The following SUMF1 variants were observed in gnomAD, a reference collection of about 807,000 sequenced individuals.
SUMF1 encodes sulfatase modifying factor 1, also known as formylglycine-generating enzyme.
In SUMF1, 48 loss-of-function variants were observed where a neutral mutation model predicts 47.6. That is an observed-to-expected ratio of 1.01 (90% CI 0.80 to 1.28). The LOEUF is 1.28. Among genes scored for constraint, SUMF1 ranks in the 50% most tolerant of loss-of-function variants. SUMF1 has a pLI of 0.00. For missense variants in SUMF1, 571 were observed against 485.4 expected (o/e 1.18, Z -1.66); for synonymous variants, 230 against 192.1 (o/e 1.20, Z -1.63).
intron 8 of SUMF1, among the ~76,000 whole-genome samples, chr3:4,223,713 C>G (rs780977023): frequency 6.6e-6 from 1 of 152,110 alleles, no homozygotes; most frequent in Non-Finnish European, 1.5e-5. Context: ...TGTCAAAAGT[C>G]TCCCTCTCTC....
chr3:4,240,371 G>A (rs572652601), intron 8 of SUMF1, among the ~76,000 whole-genome samples: 91 of 152,178 alleles, frequency 6.0e-4, no homozygotes, highest in Admixed American at 2.2e-3. Context: ...GTAGAATTCA[G>A]GTGTGAATCC....
intron 8 of SUMF1, among the ~76,000 whole-genome samples, chr3:4,230,633 A>T (rs1250715169): frequency 6.6e-6 from 1 of 152,098 alleles, no homozygotes; most frequent in Admixed American, 6.6e-5. Flanking sequence ...TTCATAACCT[A>T]GGTATGACTG....
intron 3 of SUMF1, among the ~76,000 whole-genome samples, chr3:4,436,302 A>T (rs762817221): frequency 1.1e-4 from 16 of 152,192 alleles, no homozygotes; most frequent in Non-Finnish European, 1.5e-4. Flanking sequence ...TAAAATGTTA[A>T]CACTATAATG....
At chr3:4,325,544 T>C (rs1698925042) in intron 8 of SUMF1, among the ~76,000 whole-genome samples, 1 of 149,576 alleles carries the variant, frequency 6.7e-6, no homozygotes, top group Non-Finnish European at 1.5e-5. Context: ...TGTGTGTATA[T>C]ATGTGTGTGT....
At chr3:4,417,332 T>C (rs1369077501) in intron 5 of SUMF1, 90 bp from the exon 6 acceptor site, 7 of 995,072 alleles carry the variant, frequency 7.0e-6, no homozygotes, top group South Asian at 2.6e-5. Flanking sequence ...AAAGAGAACA[T>C]TGCTTGCTTG....
downstream of SUMF1, among the ~76,000 whole-genome samples, chr3:4,357,830 A>G (rs1312363443): frequency 3.3e-5 from 5 of 151,202 alleles, no homozygotes; most frequent in Non-Finnish European, 5.9e-5. Context: ...TTAGTCATGA[A>G]CTCCTGACCT....
intron 8 of SUMF1, among the ~76,000 whole-genome samples, chr3:4,281,820 G>A (rs545512660): frequency 6.6e-6 from 1 of 152,012 alleles, no homozygotes; most frequent in Non-Finnish European, 1.5e-5. Flanking sequence ...AGAAAAGTGG[G>A]AACAGGAGTG....
At chr3:4,048,003 G>A (rs1695035998) in intron 9 of SUMF1, among the ~76,000 whole-genome samples, 1 of 152,046 alleles carries the variant, frequency 6.6e-6, no homozygotes, top group Non-Finnish European at 1.5e-5. Context: ...GAGAGAAGAG[G>A]CACCTTCCCC....
intron 8 of SUMF1, among the ~76,000 whole-genome samples, chr3:4,101,682 G>A (rs3846147): frequency 0.014 from 2,068 of 152,248 alleles, 29 homozygotes; most frequent in Non-Finnish European, 0.023. Flanking sequence ...TATTTGAAGT[G>A]ACAGATATGC....
intron 8 of SUMF1, among the ~76,000 whole-genome samples, chr3:4,188,455 G>T (rs1695248680): frequency 6.6e-6 from 1 of 152,020 alleles, no homozygotes; most frequent in South Asian, 2.1e-4. Context: ...CACCTATTCA[G>T]CCCTAACTTA....
At chr3:4,291,090 T>A (rs1697732614) in intron 8 of SUMF1, among the ~76,000 whole-genome samples, 1 of 152,192 alleles carries the variant, frequency 6.6e-6, no homozygotes, top group South Asian at 2.1e-4. Context: ...TTTTGTCTAA[T>A]GTCGGGCACA....
intron 8 of SUMF1, among the ~76,000 whole-genome samples, chr3:4,364,658 A>G (rs1393728804): frequency 6.7e-6 from 1 of 149,804 alleles, no homozygotes; most frequent in Non-Finnish European, 1.5e-5. Flanking sequence ...AATTTTGTTG[A>G]TCCTTTCAAA....
intron 8 of SUMF1, among the ~76,000 whole-genome samples, chr3:4,141,431 T>C (rs1045031811): frequency 1.3e-5 from 2 of 152,110 alleles, no homozygotes; most frequent in African/African-American, 2.4e-5. Context: ...AGAGGATAAC[T>C]TGACCAGCAG....
At chr3:4,209,895 G>GA (rs869194376) in intron 8 of SUMF1, among the ~76,000 whole-genome samples, 1 of 151,766 alleles carries the variant, frequency 6.6e-6, no homozygotes, top group Non-Finnish European at 1.5e-5. Context: ...TTAAAATTTA[G>GA]AAAAAAAAAT....
At chr3:4,336,995 C>T (rs1699165954) in intron 8 of SUMF1, among the ~76,000 whole-genome samples, 1 of 152,162 alleles carries the variant, frequency 6.6e-6, no homozygotes, top group East Asian at 1.9e-4. Context: ...CCCACGAATT[C>T]CAACTCTACA....
chr3:4,397,924 C>G (rs944819327), intron 7 of SUMF1, among the ~76,000 whole-genome samples: 2 of 152,240 alleles, frequency 1.3e-5, no homozygotes, highest in Admixed American at 6.5e-5. Context: ...TACTACATGA[C>G]AGCCTCTACC....
At chr3:4,229,343 A>G (rs1399900010) in intron 8 of SUMF1, 1 of 416,516 alleles carries the variant, frequency 2.4e-6, no homozygotes, top group Non-Finnish European at 4.8e-6. Flanking sequence ...TTGATAATCC[A>G]CCTTTCTTAT....
Position 4,223,618 on chromosome 3 carries a change from C to T in SUMF1, c.1014+152712G>A, listed in dbSNP as rs547833144. Reference sequence around the variant, plus strand: ...TTGCTCTTGTTCCCTAGAATGGCCTCCTCTCTTCTTCCAGCCCATCAAAAG... The same window carrying T: ...TTGCTCTTGTTCCCTAGAATGGCCTTCTCTCTTCTTCCAGCCCATCAAAAG... On this transcript the variant is annotated intron_variant and NMD_transcript_variant, in intron 8 of 12. Coordinates refer to the SUMF1 transcript ENST00000448413. Among the ~76,000 whole-genome samples, 83 of 152,232 alleles carry T rather than the reference C, an allele frequency of 5.5e-4. No individual in the cohort carries two copies. The South Asian group carries it at 0.017, about 30-fold the overall frequency.
At chr3:4,225,555 T>C (rs950313977) in intron 8 of SUMF1, among the ~76,000 whole-genome samples, 2 of 152,074 alleles carry the variant, frequency 1.3e-5, no homozygotes, top group African/African-American at 4.8e-5. Context: ...CTATGGTAAA[T>C]AAACCCAGCT....
Sources: allele counts gnomAD v4.1 joint callset (sites outside exome capture counted in the v4.1 genomes callset), GRCh38; gene constraint gnomAD v4.1.1; transcripts MANE v1.5; gene names NCBI Gene and HGNC (gene_info 2026-07-23, HGNC 2026-07-21).